RAVER1: variants seen among roughly 807,000 people sequenced by gnomAD.
RAVER1 encodes the protein ribonucleoprotein, PTB binding 1.
A neutral mutation model predicts 68.4 loss-of-function variants in RAVER1; 36 were observed. The observed-to-expected ratio is 0.53, with a 90% CI of 0.40 to 0.70. The LOEUF is 0.70. RAVER1 is among the 30% of genes least tolerant of loss of function. RAVER1 has a pLI of 0.00. For missense variants in RAVER1, 933 were observed against 1,019.8 expected, an observed-to-expected ratio of 0.91 and a Z score of 1.16; for synonymous variants, 469 against 472.7, an observed-to-expected ratio of 0.99 and a Z score of 0.10.
At chr19:10,330,048 A>G (rs1432374077) in intron 2 of RAVER1, among the ~76,000 whole-genome samples, 1 of 150,804 alleles carries the variant, frequency 6.6e-6, no homozygotes, top group East Asian at 2.0e-4. Flanking sequence ...GGCTGAACCC[A>G]GGAGGCGGAG....
chr19:10,326,467 C>T (rs951941147), intron 3 of RAVER1, among the ~76,000 whole-genome samples: 1 of 151,978 alleles, frequency 6.6e-6, no homozygotes, highest in Non-Finnish European at 1.5e-5. Flanking sequence ...TTCTTTGAGA[C>T]GGAGTCTCGC....
rs770543406 is a variant in RAVER1, at chr19:10,318,389, G to T, written c.1846-17C>A. ...GGGGGACATCTGTAGAAGAAGGGCC[G>T]GTGGAGTGAAGCAGACAATTGTAGT... is the stretch of plus-strand genomic sequence containing the variant. On this transcript the variant is annotated splice_polypyrimidine_tract_variant and intron_variant, in intron 10 of 12. Transcript: ENST00000617231. 6.3e-7 allele frequency: 1 copy of T among 1,580,680 alleles called. No homozygotes were observed. The highest frequency in any genetic ancestry group is 8.6e-7 in the Non-Finnish European group (1 of 1,165,692).
intron 3 of RAVER1, among the ~76,000 whole-genome samples, chr19:10,327,463 G>T (rs1453500452): frequency 6.6e-6 from 1 of 152,054 alleles, no homozygotes; most frequent in Non-Finnish European, 1.5e-5. Context: ...ATATTGCCCA[G>T]GCTGGTCTCG....
At position 10,328,038 on chromosome 19, in the gene RAVER1, C is replaced by T. The variant is rs868285017; in HGVS notation, c.756+604G>A. On this transcript the variant is annotated intron_variant, in intron 3 of 12. Transcript: ENST00000617231. The surrounding 1 kb of genome is among the most constrained non-coding windows in gnomAD (Gnocchi z 4.4). Reference sequence around the variant, plus strand: ...CCAGTGACTGGCCCGAGCTCGAGGGCGGGGCTGGGATCTGGCAAAGCCTCA... The same window carrying T: ...CCAGTGACTGGCCCGAGCTCGAGGGTGGGGCTGGGATCTGGCAAAGCCTCA... Among the ~76,000 whole-genome samples, 11 of 152,128 alleles carry T rather than the reference C, an allele frequency of 7.2e-5. No individual in the cohort carries two copies. The highest frequency in any genetic ancestry group is 2.7e-4 in the African/African-American group (11 of 41,442).
At position 10,321,090 on chromosome 19, in the gene RAVER1, T is replaced by A; in HGVS notation, c.1431A>T (p.Arg477Ser). Residue 477 changes from arginine (R) to serine (S), a missense_variant, in exon 8 of 13, where the codon AGA becomes AGT. Arg to Ser is a moderately radical substitution (Grantham distance 110, BLOSUM62 -1). Transcript: ENST00000617231. ...APVGLRGSGL[R>S]GLQKDSGPLP... Reference sequence around the variant, plus strand: ...GAGGCCCACTGTCTTTCTGGAGGCCTCTGAGGCCAGAGCCTCGGAGCCCCA... The same window carrying A: ...GAGGCCCACTGTCTTTCTGGAGGCCACTGAGGCCAGAGCCTCGGAGCCCCA... 7.5e-7 allele frequency: 1 copy of A among 1,339,466 alleles called. No homozygotes were observed. Among genetic ancestry groups the A allele is most frequent in the Non-Finnish European group, 9.6e-7 (1 of 1,046,768 alleles). The allele number at this position is 1,339,466 out of a possible 1,614,324, so 83.0% of individuals were successfully genotyped here. A position where few individuals can be genotyped will look rare whatever the true frequency, so the allele number is the denominator to read the frequency against.
In RAVER1 at chr19:10,317,849, G is replaced by T; in HGVS notation, c.1990-76C>A. 1.2e-6 allele frequency: 1 copy of T among 814,432 alleles called. No individual in the cohort carries two copies. 50.5% of individuals were successfully genotyped at this position (814,432 alleles called of 1,614,324 possible). On this transcript the variant is annotated intron_variant, in intron 11 of 12. Coordinates refer to ENST00000617231, the MANE Select transcript of RAVER1 (RefSeq NM_133452.3). This position sits in a 1 kb window ranked among gnomAD's most constrained non-coding sequence, Gnocchi z 4.3. ...GCACCCACCCCGCCCCCCTGCCACT[G>T]CCCCCCAGCCCTGAGGGAAAGCGAA...
chr19:10,333,228 CCCCCCG>C lies in RAVER1; in HGVS notation c.219+55_219+60del. 6.7e-7 allele frequency: 1 copy of C among 1,494,986 alleles called. No homozygotes were observed. 92.6% of individuals were successfully genotyped at this position (1,494,986 alleles called of 1,614,324 possible). On this transcript the variant is annotated intron_variant, in intron 1 of 12. Coordinates refer to ENST00000617231, the MANE Select transcript of RAVER1 (RefSeq NM_133452.3). This position sits in a 1 kb window ranked among gnomAD's most constrained non-coding sequence, Gnocchi z 4.2. ...ACCTCAGCGTTGGTGTCGCCCGGTTCCCCCCGCGCACGCGCACCGTGGTATTTCCCG... is the reference window on the plus strand; with the variant it reads ...ACCTCAGCGTTGGTGTCGCCCGGTTCCGCACGCGCACCGTGGTATTTCCCG...
In RAVER1 at chr19:10,323,459, C is replaced by T. The variant is rs1294817811; in HGVS notation, c.864G>A (p.Gly288=). The change falls in exon 4 of 13, where the codon GGG becomes GGA. Residue 288 remains glycine (G), a synonymous_variant. Transcript: ENST00000617231. The surrounding 1 kb of genome is among the most constrained non-coding windows in gnomAD (Gnocchi z 6.2). ...AQQQADGLSL[G]GSHLRVSFCA... ...AGAAGGAGACTCGCAGGTGGCTGCC[C>T]CCCAGGGACAGGCCGTCCGCCTGCT... The T allele has an allele frequency of 6.2e-7, 1 of 1,609,894 alleles. No individual in the cohort carries two copies. Among genetic ancestry groups the T allele is most frequent in the African/African-American group, 1.3e-5 (1 of 74,898 alleles).
Position 10,316,277 on chromosome 19 carries a change from G to C in RAVER1, c.*1177C>G. 1 of 1,277,448 alleles carries C rather than the reference G, an allele frequency of 7.8e-7. No homozygotes were observed. The highest frequency in any genetic ancestry group is 9.9e-7 in the Non-Finnish European group (1 of 1,011,910). The allele number at this position is 1,277,448 out of a possible 1,614,324, so 79.1% of individuals were successfully genotyped here. ...AGGTCCGTGTGGGGAGACTGGGGTG[G>C]GGTCGGGGGAATAGTCCCCTTGGAG... is the stretch of plus-strand genomic sequence containing the variant. On this transcript the variant is annotated 3_prime_UTR_variant, in exon 13 of 13. Coordinates refer to ENST00000617231, the MANE Select transcript of RAVER1 (RefSeq NM_133452.3).
chr19:10,318,611 C>T (rs923011081), intron 10 of RAVER1, among the ~76,000 whole-genome samples: 3 of 152,168 alleles, frequency 2.0e-5, no homozygotes, highest in Non-Finnish European at 2.9e-5. Context: ...CCGCCCACCT[C>T]GGCCTCCCAA....
At position 10,322,726 on chromosome 19, in the gene RAVER1, G is replaced by A. The variant is rs201707368; in HGVS notation, c.1092C>T (p.Ala364=). Residue 364 remains alanine (A), a synonymous_variant, in exon 6 of 13, where the codon GCC becomes GCT. Coordinates refer to ENST00000617231, the MANE Select transcript of RAVER1 (RefSeq NM_133452.3). This position sits in a 1 kb window ranked among gnomAD's most constrained non-coding sequence, Gnocchi z 4.3. ...SAGGKQGLLG[A]PPAMPLLNGP... ...CATTGAGCAGCGGCATGGCTGGGGG[G>A]GCACCCAGGAGGCCTGGAGGGAGAC... 1,950 of 1,510,490 alleles carry A rather than the reference G, an allele frequency of 1.3e-3. 1 individual carries two copies. Among genetic ancestry groups the A allele is most frequent in the Non-Finnish European group, 1.4e-3 (1,592 of 1,139,378 alleles). The allele number at this position is 1,510,490 out of a possible 1,614,324, so 93.6% of individuals were successfully genotyped here. A position where few individuals can be genotyped will look rare whatever the true frequency, so the allele number is the denominator to read the frequency against.
chr19:10,324,102 C>T (rs1025613412), intron 3 of RAVER1, among the ~76,000 whole-genome samples: 3 of 149,556 alleles, frequency 2.0e-5, no homozygotes, highest in Admixed American at 6.7e-5. Flanking sequence ...TGCGGTGGGC[C>T]GAGATCGCGC....
rs2040441387 is a variant in RAVER1, at chr19:10,322,046, G to C, written c.1174-428C>G. ...TGTATGTCTATGTGTGTGTGTGTCTGTGTGTGTGTGTGCGTGTATATCTGT... is the reference window on the plus strand; with the variant it reads ...TGTATGTCTATGTGTGTGTGTGTCTCTGTGTGTGTGTGCGTGTATATCTGT... On this transcript the variant is annotated intron_variant, in intron 6 of 12. Transcript: ENST00000617231. The surrounding 1 kb of genome is among the most constrained non-coding windows in gnomAD (Gnocchi z 4.3). The C allele has an allele frequency of 6.3e-6, 1 of 158,444 alleles. No individual in the cohort carries two copies. The highest frequency in any genetic ancestry group is 2.4e-5 in the African/African-American group (1 of 41,706). 9.8% of individuals were successfully genotyped at this position (158,444 alleles called of 1,614,324 possible). A position where few individuals can be genotyped will look rare whatever the true frequency, so the allele number is the denominator to read the frequency against.
At position 10,333,240 on chromosome 19, in the gene RAVER1, G is replaced by A. The variant is rs369985679; in HGVS notation, c.219+49C>T. On this transcript the variant is annotated intron_variant, in intron 1 of 12. Transcript: ENST00000617231. This position sits in a 1 kb window ranked among gnomAD's most constrained non-coding sequence, Gnocchi z 4.2. ...GTGTCGCCCGGTTCCCCCCGCGCAC[G>A]CGCACCGTGGTATTTCCCGCCACGC... 2 of 1,545,914 alleles carry A rather than the reference G, an allele frequency of 1.3e-6. No homozygotes were observed. The highest frequency in any genetic ancestry group is 1.4e-5 in the African/African-American group (1 of 73,060).
chr19:10,323,529 G>GCGAAGC lies in RAVER1; in HGVS notation c.788_793dup (p.Gly263_Phe264dup). On this transcript the variant is annotated inframe_insertion, in exon 4 of 13. Coordinates refer to ENST00000617231, the MANE Select transcript of RAVER1 (RefSeq NM_133452.3). This position sits in a 1 kb window ranked among gnomAD's most constrained non-coding sequence, Gnocchi z 6.2. ...CTCAGCCGTCTCATACTCCAGCACC[G>GCGAAGC]CGAAGCCCTTCAGCTGCCCATCCTG... is the stretch of plus-strand genomic sequence containing the variant. 1 of 1,604,084 alleles carries GCGAAGC rather than the reference G, an allele frequency of 6.2e-7. No individual in the cohort carries two copies. The highest frequency in any genetic ancestry group is 8.5e-7 in the Non-Finnish European group (1 of 1,177,606).
intron 3 of RAVER1, among the ~76,000 whole-genome samples, chr19:10,326,218 G>A (rs1401180293): frequency 6.6e-6 from 1 of 152,128 alleles, no homozygotes; most frequent in Non-Finnish European, 1.5e-5. Context: ...TCGCGCCCCT[G>A]CACTCCAGAC....
intron 10 of RAVER1, among the ~76,000 whole-genome samples, chr19:10,318,633 T>C (rs2145065253): frequency 6.6e-6 from 1 of 152,294 alleles, no homozygotes; most frequent in Middle Eastern, 3.4e-3. Flanking sequence ...GTGCTGGGAT[T>C]ACAGGCGTGA....
chr19:10,322,691 A>G lies in RAVER1; in HGVS notation c.1127T>C (p.Leu376Pro). The G allele has an allele frequency of 6.5e-7, 1 of 1,536,052 alleles. No individual in the cohort carries two copies. The highest frequency in any genetic ancestry group is 1.3e-5 in the South Asian group (1 of 77,388). ...PAMPLLNGPA[L>P]STALLQLALQ... Reference sequence around the variant, plus strand: ...GGCGAGCTGCAACAGCGCCGTGGACAGGGCTGGCCCATTGAGCAGCGGCAT... The same window carrying G: ...GGCGAGCTGCAACAGCGCCGTGGACGGGGCTGGCCCATTGAGCAGCGGCAT... The change falls in exon 6 of 13, where the codon CTG (leucine) becomes CCG (proline). Residue 376 changes from leucine (L) to proline (P), a missense_variant. By Grantham distance (98) the Leu-to-Pro change is moderately conservative. Transcript: ENST00000617231. The surrounding 1 kb of genome is among the most constrained non-coding windows in gnomAD (Gnocchi z 4.3).
chr19:10,320,111 G>A (rs924716162), intron 9 of RAVER1, among the ~76,000 whole-genome samples: 1 of 152,240 alleles, frequency 6.6e-6, no homozygotes, highest in South Asian at 2.1e-4. Flanking sequence ...GACGCAGGAT[G>A]ACAGACAGAC....
Sources: allele counts gnomAD v4.1 joint callset (sites outside exome capture counted in the v4.1 genomes callset), GRCh38; gene constraint gnomAD v4.1.1; non-coding constraint Gnocchi (gnomAD v3.1); transcripts MANE v1.5; gene names NCBI Gene and HGNC (gene_info 2026-07-23, HGNC 2026-07-21).